The following CCDC30 variants were observed in gnomAD, a reference collection of about 807,000 sequenced individuals.
The protein encoded by CCDC30 is coiled-coil domain-containing protein 30.
Under a neutral mutation model 100.2 loss-of-function variants are expected in CCDC30, and 70 were observed. That is an observed-to-expected ratio of 0.70 (90% CI 0.58 to 0.85). The LOEUF (loss-of-function observed/expected upper bound fraction) is 0.85. Among genes scored for constraint, CCDC30 ranks in the 40% least tolerant of loss-of-function variants. The pLI is 0.00. For missense variants in CCDC30, 652 were observed against 771.2 expected, an observed-to-expected ratio of 0.85 and a Z score of 1.83; for synonymous variants, 233 against 269.5, an observed-to-expected ratio of 0.86 and a Z score of 1.33.
chr1:42,568,830 C>T (rs1294842797), intron 7 of CCDC30, among the ~76,000 whole-genome samples: 1 of 150,844 alleles, frequency 6.6e-6, no homozygotes, highest in African/African-American at 2.4e-5. Flanking sequence ...GTAGTCCCAG[C>T]TACTCGGGAG....
At chr1:42,513,386 G>C (rs894210671) in intron 6 of CCDC30, among the ~76,000 whole-genome samples, 4 of 152,168 alleles carry the variant, frequency 2.6e-5, no homozygotes, top group African/African-American at 9.7e-5. Context: ...TGTGGGGAAG[G>C]TTTGTCACCC....
chr1:42,650,497 A>ATGTGTGTGTGTGTGTGTG (rs57051349), intron 15 of CCDC30, among the ~76,000 whole-genome samples: 29 of 136,292 alleles, frequency 2.1e-4, no homozygotes, highest in Non-Finnish European at 3.3e-4. Context: ...AAAAATATAT[A>ATGTGTGTGTGTGTGTGTG]TGTGTGTGTG....
chr1:42,545,020 T>C (rs1645093990), intron 6 of CCDC30, among the ~76,000 whole-genome samples: 1 of 151,796 alleles, frequency 6.6e-6, no homozygotes, highest in African/African-American at 2.4e-5. Context: ...TATGAATCAA[T>C]GAAGTACATT....
chr1:42,502,755 T>G (rs1357047863), intron 6 of CCDC30, among the ~76,000 whole-genome samples: 3 of 152,224 alleles, frequency 2.0e-5, no homozygotes, highest in African/African-American at 4.8e-5. Flanking sequence ...TGAATTTGGC[T>G]ATCTTGTACA....
chr1:42,482,902 A>G, intron 3 of CCDC30, 86 bp downstream of exon 3: 1 of 870,996 alleles, frequency 1.1e-6, no homozygotes, highest in Non-Finnish European at 1.5e-6. Flanking sequence ...AAAAAAAAAA[A>G]ACACTGAGAA....
intron 15 of CCDC30, among the ~76,000 whole-genome samples, 167 bp from the exon 20 acceptor site, chr1:42,653,209 T>TAG (rs901421223): frequency 1.3e-5 from 2 of 151,774 alleles, no homozygotes; most frequent in Admixed American, 6.6e-5. Flanking sequence ...GTTATATATA[T>TAG]AGAGAGAGAG....
chr1:42,518,412 A>T (rs973817855), intron 6 of CCDC30, among the ~76,000 whole-genome samples: 1 of 152,204 alleles, frequency 6.6e-6, no homozygotes, highest in Non-Finnish European at 1.5e-5. Context: ...GCAAACAGAG[A>T]TATCGTTATG....
chr1:42,615,469 T>C (rs1646709098), intron 11 of CCDC30, among the ~76,000 whole-genome samples: 1 of 152,078 alleles, frequency 6.6e-6, no homozygotes, highest in Non-Finnish European at 1.5e-5. Context: ...CGGCTAATTT[T>C]TATATTTTTA....
intron 1 of CCDC30, chr1:42,473,289 G>C: frequency 8.1e-7 from 1 of 1,230,858 alleles, no homozygotes; most frequent in Admixed American, 4.2e-5. Flanking sequence ...GAAGCACATG[G>C]GTGAAACAAA....
intron 11 of CCDC30, among the ~76,000 whole-genome samples, chr1:42,632,530 G>A (rs1417011421): frequency 6.6e-6 from 1 of 152,040 alleles, no homozygotes; most frequent in Admixed American, 6.6e-5. Flanking sequence ...TTGGGAGGCT[G>A]AGGTGGGCGG....
intron 11 of CCDC30, among the ~76,000 whole-genome samples, chr1:42,612,407 C>T (rs1486760457): frequency 6.6e-6 from 1 of 152,228 alleles, no homozygotes; most frequent in East Asian, 1.9e-4. Flanking sequence ...CAGGCAGCAG[C>T]TGCAATGTTG....
intron 6 of CCDC30, 72 bp from the exon 9 acceptor site, chr1:42,545,338 A>G (rs1281810669): frequency 8.4e-7 from 1 of 1,192,266 alleles, no homozygotes; most frequent in Non-Finnish European, 1.2e-6. Flanking sequence ...TAATGAAATC[A>G]GTATACTTTT....
chr1:42,523,500 T>C (rs770135735), intron 6 of CCDC30, among the ~76,000 whole-genome samples: 1 of 152,212 alleles, frequency 6.6e-6, no homozygotes, highest in Admixed American at 6.5e-5. Context: ...TGCTTCTCTC[T>C]TGCTGCTTTC....
downstream of CCDC30, among the ~76,000 whole-genome samples, chr1:42,655,149 C>T (rs551072265): frequency 1.3e-5 from 2 of 152,204 alleles, no homozygotes; most frequent in African/African-American, 4.8e-5. Context: ...CATTTTCAAT[C>T]GCCATATGAT....
intron 6 of CCDC30, among the ~76,000 whole-genome samples, chr1:42,507,428 A>G (rs72659935): frequency 0.14 from 20,686 of 152,256 alleles, 1,547 homozygotes; most frequent in East Asian, 0.18. Flanking sequence ...TAAGGTTTAC[A>G]CATGGGATTT....
At chr1:42,469,903 A>G (rs568868839) in intron 1 of CCDC30, among the ~76,000 whole-genome samples, 1 of 152,344 alleles carries the variant, frequency 6.6e-6, no homozygotes, top group Non-Finnish European at 1.5e-5. Flanking sequence ...AACAGAAACT[A>G]GCAACTCATA....
intron 6 of CCDC30, among the ~76,000 whole-genome samples, chr1:42,525,686 A>T (rs1644713080): frequency 6.6e-6 from 1 of 152,194 alleles, no homozygotes; most frequent in South Asian, 2.1e-4. Context: ...ATAATATTAA[A>T]CTTTGTTTTC....
intron 6 of CCDC30, among the ~76,000 whole-genome samples, chr1:42,550,999 T>A (rs1018280317): frequency 6.6e-6 from 1 of 152,210 alleles, no homozygotes; most frequent in South Asian, 2.1e-4. Flanking sequence ...ATACTTTAAG[T>A]TCTAGGGTAC....
intron 11 of CCDC30, among the ~76,000 whole-genome samples, chr1:42,617,365 A>G (rs1302126950): frequency 6.6e-6 from 1 of 152,260 alleles, no homozygotes; most frequent in Non-Finnish European, 1.5e-5. Context: ...GAGAAGTTAG[A>G]GACTTGGGTT....
Sources: allele counts gnomAD v4.1 joint callset (sites outside exome capture counted in the v4.1 genomes callset), GRCh38; gene constraint gnomAD v4.1.1; transcripts MANE v1.5; gene names NCBI Gene and HGNC (gene_info 2026-07-23, HGNC 2026-07-21).